The following CD2AP variants were observed in gnomAD, a reference collection of about 807,000 sequenced individuals.
CD2AP encodes the protein CD2 associated protein.
CD2AP carries 46 observed loss-of-function variants against 85.1 expected under a neutral mutation model. That is an observed-to-expected ratio of 0.54 (90% CI 0.43 to 0.69). The LOEUF (loss-of-function observed/expected upper bound fraction) is 0.69. Ranked by LOEUF, CD2AP falls within the 30% of genes least tolerant of loss-of-function variation. The pLI, the probability that CD2AP is intolerant of heterozygous loss-of-function variation, is 0.00. For missense variants in CD2AP, 769 were observed against 729.5 expected, an observed-to-expected ratio of 1.05 and a Z score of -0.62; for synonymous variants, 255 against 252.9, an observed-to-expected ratio of 1.01 and a Z score of -0.08.
chr6:47,590,449 T>C (rs1483316399), intron 11 of CD2AP, among the ~76,000 whole-genome samples: 6 of 152,074 alleles, frequency 3.9e-5, no homozygotes, highest in Admixed American at 6.6e-5. Flanking sequence ...GAAAAGACCT[T>C]AAGAGACATA....
intron 2 of CD2AP, among the ~76,000 whole-genome samples, chr6:47,519,066 G>T (rs762201290): frequency 1.2e-4 from 18 of 152,184 alleles, no homozygotes; most frequent in Non-Finnish European, 2.1e-4. Context: ...TAGGTGGCAA[G>T]AACACAACTG....
At chr6:47,618,464 GT>G (rs548987895) in intron 17 of CD2AP, among the ~76,000 whole-genome samples, 5 of 151,058 alleles carry the variant, frequency 3.3e-5, no homozygotes, top group African/African-American at 9.7e-5. Flanking sequence ...TAGGATCCAT[GT>G]TTTTTTTTAT....
At position 47,575,578 on chromosome 6, in the gene CD2AP, A is replaced by G. The variant is rs183827695; in HGVS notation, c.730-946A>G. 4.3e-3 allele frequency among the ~76,000 whole-genome samples: 655 copies of G among 152,280 alleles called. 2 individuals are homozygous for G. The highest frequency in any genetic ancestry group is 7.4e-3 in the Admixed American group (113 of 15,292). On this transcript the variant is annotated intron_variant, in intron 6 of 17. Coordinates refer to ENST00000359314, the MANE Select transcript of CD2AP (RefSeq NM_012120.3). ...GGTGTTTAGAGTTGGGGAAAACTAA[A>G]GTAAGTATTTTAGAAGATAACAGAA... is the stretch of plus-strand genomic sequence containing the variant.
chr6:47,533,102 A>G (rs1282092876), intron 2 of CD2AP, among the ~76,000 whole-genome samples: 1 of 152,216 alleles, frequency 6.6e-6, no homozygotes, highest in Non-Finnish European at 1.5e-5. Context: ...TGACATATAA[A>G]ATTATTTGAA....
intron 17 of CD2AP, among the ~76,000 whole-genome samples, chr6:47,617,723 A>G (rs1030428726): frequency 7.2e-6 from 1 of 138,888 alleles, no homozygotes. Context: ...GAGTACTCTA[A>G]TTCTTATCTC....
intron 13 of CD2AP, among the ~76,000 whole-genome samples, chr6:47,604,232 T>C (rs1038366457): frequency 6.6e-6 from 1 of 152,088 alleles, no homozygotes; most frequent in Non-Finnish European, 1.5e-5. Context: ...AATCCATTGT[T>C]ATCCCTCTTA....
intron 16 of CD2AP, chr6:47,609,611 A>G (rs1445574378): frequency 7.7e-6 from 2 of 261,256 alleles, no homozygotes; most frequent in East Asian, 1.8e-4. Context: ...AGGTGGGAGG[A>G]TGTCTTGAGC....
intron 5 of CD2AP, chr6:47,562,671 C>G: frequency 1.7e-6 from 1 of 590,622 alleles, no homozygotes. Context: ...ACTGCCACTG[C>G]TTTATGGGAG....
intron 2 of CD2AP, among the ~76,000 whole-genome samples, chr6:47,518,003 C>A (rs530168000): frequency 6.6e-6 from 1 of 152,164 alleles, no homozygotes; most frequent in Admixed American, 6.5e-5. Flanking sequence ...GTCAGTTTAT[C>A]CCCCTAGGTA....
At position 47,624,411 on chromosome 6, in the gene CD2AP, G is replaced by A. The variant is rs1167213802; in HGVS notation, c.*184G>A. On this transcript the variant is annotated 3_prime_UTR_variant, in exon 18 of 18. Transcript: ENST00000359314. Reference sequence around the variant, plus strand: ...TATATATATTTTGTTTTGCCAATATGAAGAAAAAGAGGCCTTATTTCTTAA... The same window carrying A: ...TATATATATTTTGTTTTGCCAATATAAAGAAAAAGAGGCCTTATTTCTTAA... 2 of 570,054 alleles carry A rather than the reference G, an allele frequency of 3.5e-6. No individual in the cohort carries two copies. The highest frequency in any genetic ancestry group is 6.3e-5 in the Admixed American group (2 of 31,624). 35.3% of individuals were successfully genotyped at this position (570,054 alleles called of 1,614,324 possible).
At chr6:47,586,809 C>T (rs1768641986) in intron 11 of CD2AP, among the ~76,000 whole-genome samples, 1 of 152,074 alleles carries the variant, frequency 6.6e-6, no homozygotes, top group South Asian at 2.1e-4. Context: ...TTAAAAATCT[C>T]ACAAGAACTG....
At chr6:47,606,381 A>G (rs1769273757) in intron 14 of CD2AP, 104 bp downstream of exon 14, 4 of 737,382 alleles carry the variant, frequency 5.4e-6, no homozygotes, top group Admixed American at 3.9e-5. Flanking sequence ...AATCAGGAGG[A>G]TAGCTCTTAT....
intron 3 of CD2AP, among the ~76,000 whole-genome samples, chr6:47,537,815 A>G (rs1582530756): frequency 6.6e-6 from 1 of 150,850 alleles, no homozygotes; most frequent in Non-Finnish European, 1.5e-5. Context: ...TTTTTTGGAT[A>G]CAGAGTCTCA....
At chr6:47,483,009 G>T (rs1470514322) in intron 1 of CD2AP, among the ~76,000 whole-genome samples, 1 of 152,186 alleles carries the variant, frequency 6.6e-6, no homozygotes, top group African/African-American at 2.4e-5. Flanking sequence ...GATGAAGCAA[G>T]TTGTGAAAGA....
intron 9 of CD2AP, among the ~76,000 whole-genome samples, chr6:47,580,627 A>C (rs1374508955): frequency 6.6e-6 from 1 of 152,190 alleles, no homozygotes; most frequent in Non-Finnish European, 1.5e-5. Context: ...AATCCACTGA[A>C]ATATGGATTG....
chr6:47,537,180 C>T (rs1042333159), intron 3 of CD2AP, among the ~76,000 whole-genome samples: 21 of 152,194 alleles, frequency 1.4e-4, no homozygotes, highest in African/African-American at 4.8e-4. Context: ...TTACTTCACT[C>T]CCATAAAACC....
intron 17 of CD2AP, among the ~76,000 whole-genome samples, chr6:47,621,632 T>C (rs1769748888): frequency 6.6e-6 from 1 of 152,226 alleles, no homozygotes; most frequent in Admixed American, 6.5e-5. Flanking sequence ...CCATTCTTCT[T>C]TGAATGTCTG....
In CD2AP at chr6:47,478,092, C is replaced by A; in HGVS notation, c.-153C>A. 1.0e-6 allele frequency: 1 copy of A among 955,884 alleles called. No homozygotes were observed. 59.2% of individuals were successfully genotyped at this position (955,884 alleles called of 1,614,324 possible). A position where few individuals can be genotyped will look rare whatever the true frequency, so the allele number is the denominator to read the frequency against. ...GAGACTGGTAGGAGAGCGCCGCGGG[C>A]GGATGGAGGCGACTCTTCGCCCCGC... On this transcript the variant is annotated 5_prime_UTR_variant, in exon 1 of 18. Coordinates refer to ENST00000359314, the MANE Select transcript of CD2AP (RefSeq NM_012120.3).
rs190926331 is a variant in CD2AP at position 47,621,211 on chromosome 6, A to G, written c.1879-2975A>G. On this transcript the variant is annotated intron_variant, in intron 17 of 17. Coordinates refer to ENST00000359314, the MANE Select transcript of CD2AP (RefSeq NM_012120.3). ...TAGATAGCTTTTATTACATTGAGGT[A>G]TATCCCTTGTATGCCAGTTTTGCTG... is the stretch of plus-strand genomic sequence containing the variant. Among the ~76,000 whole-genome samples the G allele has an allele frequency of 1.1e-4, 17 of 152,296 alleles. No individual in the cohort carries two copies. The East Asian group carries it at 3.1e-3, about 28-fold the overall frequency.
Sources: allele counts gnomAD v4.1 joint callset (sites outside exome capture counted in the v4.1 genomes callset), GRCh38; gene constraint gnomAD v4.1.1; transcripts MANE v1.5; gene names NCBI Gene and HGNC (gene_info 2026-07-23, HGNC 2026-07-21).